Variants in NR6A1 observed in about 807,000 individuals in gnomAD.
The protein encoded by NR6A1 is nuclear receptor subfamily 6 group A member 1, also known as retinoic acid receptor-related testis-associated receptor.
Under a neutral mutation model 59.1 loss-of-function variants are expected in NR6A1, and 7 were observed. The ratio of observed to expected loss-of-function variants is 0.12; its 90% CI spans 0.07 to 0.22. The LOEUF is 0.22. NR6A1 is among the 10% of genes least tolerant of loss of function. NR6A1 has a pLI of 1.00. For synonymous variants in NR6A1, 243 were observed against 236.1 expected, an observed-to-expected ratio of 1.03 and a Z score of -0.27; for missense variants, 468 against 611.6, an observed-to-expected ratio of 0.77 and a Z score of 2.48.
chr9:124,558,974 A>C (rs1225622401), intron 2 of NR6A1, among the ~76,000 whole-genome samples: 2 of 152,158 alleles, frequency 1.3e-5, no homozygotes, highest in Non-Finnish European at 2.9e-5. Context: ...TGAAGTGTAT[A>C]AGTGTATTTA....
chr9:124,741,037 T>C (rs192398885), intron 1 of NR6A1, among the ~76,000 whole-genome samples: 12 of 152,348 alleles, frequency 7.9e-5, no homozygotes, highest in Admixed American at 6.5e-4. Context: ...TTTTAAAGCC[T>C]AGATAAGCAC....
At chr9:124,639,401 A>G (rs977938647) in intron 2 of NR6A1, among the ~76,000 whole-genome samples, 3 of 152,202 alleles carry the variant, frequency 2.0e-5, no homozygotes, top group East Asian at 1.9e-4. Context: ...AAGCCCAGCA[A>G]TCCTCTGTGA....
intron 2 of NR6A1, among the ~76,000 whole-genome samples, chr9:124,634,929 C>T (rs140710141): frequency 1.3e-5 from 2 of 152,216 alleles, no homozygotes; most frequent in South Asian, 2.1e-4. Flanking sequence ...ATATGCATGA[C>T]CTCCCCTGCT....
At chr9:124,672,269 G>C (rs1231821576) in intron 2 of NR6A1, among the ~76,000 whole-genome samples, 1 of 152,010 alleles carries the variant, frequency 6.6e-6, no homozygotes, top group East Asian at 1.9e-4. Flanking sequence ...ATACATTCTT[G>C]TACATATCTT....
At chr9:124,723,008 CTT>C (rs957809672) in intron 2 of NR6A1, among the ~76,000 whole-genome samples, 1 of 152,092 alleles carries the variant, frequency 6.6e-6, no homozygotes, top group Non-Finnish European at 1.5e-5. Flanking sequence ...TTTCAAGTCT[CTT>C]TTAAAATACT....
intron 2 of NR6A1, among the ~76,000 whole-genome samples, chr9:124,679,517 T>C (rs931974502): frequency 1.3e-5 from 2 of 152,176 alleles, no homozygotes; most frequent in African/African-American, 2.4e-5. Context: ...GAGGGTACTA[T>C]TTAACAATGA....
chr9:124,739,670 A>G (rs1840120790), intron 1 of NR6A1, among the ~76,000 whole-genome samples: 1 of 152,246 alleles, frequency 6.6e-6, no homozygotes, highest in African/African-American at 2.4e-5. Flanking sequence ...TCAAATTGTG[A>G]CTGGCTATCA....
intron 1 of NR6A1, among the ~76,000 whole-genome samples, chr9:124,741,126 G>A (rs925541759): frequency 6.6e-6 from 1 of 152,150 alleles, no homozygotes; most frequent in Non-Finnish European, 1.5e-5. Flanking sequence ...GCTACATGTG[G>A]CCAATGAGTA....
chr9:124,641,053 T>C (rs1307869581), intron 2 of NR6A1, among the ~76,000 whole-genome samples: 5 of 152,124 alleles, frequency 3.3e-5, no homozygotes, highest in African/African-American at 1.2e-4. Flanking sequence ...TTATAGATAA[T>C]AAATAAAACA....
At chr9:124,655,978 C>G (rs1200297255) in intron 2 of NR6A1, among the ~76,000 whole-genome samples, 1 of 152,166 alleles carries the variant, frequency 6.6e-6, no homozygotes. Context: ...GAGTCTCATG[C>G]TGAAATCTAA....
chr9:124,730,025 C>G (rs1232029435), intron 2 of NR6A1, among the ~76,000 whole-genome samples: 1 of 152,010 alleles, frequency 6.6e-6, no homozygotes, highest in East Asian at 1.9e-4. Flanking sequence ...ATTGGTCAGG[C>G]TGGTCTTGAA....
chr9:124,697,245 G>GT (rs1838796130), intron 2 of NR6A1, among the ~76,000 whole-genome samples: 1 of 152,232 alleles, frequency 6.6e-6, no homozygotes, highest in Non-Finnish European at 1.5e-5. Flanking sequence ...AAAGAAAAAG[G>GT]TAACAAATAC....
chr9:124,729,442 A>C (rs944488230), intron 2 of NR6A1, among the ~76,000 whole-genome samples: 4 of 152,172 alleles, frequency 2.6e-5, no homozygotes, highest in Non-Finnish European at 4.4e-5. Flanking sequence ...AAAGTTAGCC[A>C]GGCATGTGGT....
At chr9:124,648,171 A>T (rs1002232057) in intron 2 of NR6A1, among the ~76,000 whole-genome samples, 1 of 152,286 alleles carries the variant, frequency 6.6e-6, no homozygotes, top group Non-Finnish European at 1.5e-5. Flanking sequence ...CATAAACAGG[A>T]TATGTTACAT....
chr9:124,596,746 C>A (rs1178014736), intron 2 of NR6A1, among the ~76,000 whole-genome samples: 1 of 152,208 alleles, frequency 6.6e-6, no homozygotes, highest in Non-Finnish European at 1.5e-5. Context: ...TGCACATACA[C>A]ACTCATACCT....
At chr9:124,525,338 G>T (rs566378070) in intron 8 of NR6A1, among the ~76,000 whole-genome samples, 2 of 135,806 alleles carry the variant, frequency 1.5e-5, no homozygotes, top group African/African-American at 5.9e-5. Flanking sequence ...CCTCCTATGC[G>T]CTTCTGTTCT....
At chr9:124,678,565 T>G (rs919500411) in intron 2 of NR6A1, among the ~76,000 whole-genome samples, 1 of 152,112 alleles carries the variant, frequency 6.6e-6, no homozygotes, top group African/African-American at 2.4e-5. Flanking sequence ...TTTACTAAGA[T>G]AATACAAAGA....
chr9:124,619,607 T>C (rs891313446), intron 2 of NR6A1, among the ~76,000 whole-genome samples: 6 of 152,146 alleles, frequency 3.9e-5, no homozygotes, highest in African/African-American at 1.2e-4. Flanking sequence ...TTGGAAAGTC[T>C]AGAACCAGAG....
At chr9:124,522,838 G>C (rs1273925876) in intron 9 of NR6A1, 45 bp from the exon 10 acceptor site, 1 of 1,486,808 alleles carries the variant, frequency 6.7e-7, no homozygotes. Context: ...GGTCACTCTA[G>C]TGGACAGGCA....
Sources: gnomAD v4.1 joint callset for allele counts (sites outside exome capture counted in the v4.1 genomes callset) on GRCh38, gnomAD v4.1.1 for gene constraint, MANE v1.5 for transcripts, NCBI Gene and HGNC (gene_info 2026-07-23, HGNC 2026-07-21) for gene names.